The following HMCN1 variants were observed in gnomAD, a reference collection of about 807,000 sequenced individuals.
The protein encoded by HMCN1 is hemicentin 1, also known as hemicentin-1.
HMCN1 carries 321 observed loss-of-function variants against 625.9 expected under a neutral mutation model. The observed-to-expected ratio is 0.51, with a 90% CI of 0.47 to 0.56. The LOEUF is 0.56. Ranked by LOEUF, HMCN1 falls within the 20% of genes least tolerant of loss-of-function variation. The pLI is 0.00. For missense variants in HMCN1, 6,588 were observed against 6,887.3 expected (o/e 0.96, Z 1.54); for synonymous variants, 2,425 against 2,417.6 (o/e 1.00, Z -0.09).
rs1440561470 is a variant in HMCN1, at chr1:186,018,875, A to G, written c.5470+523A>G. On this transcript the variant is annotated intron_variant, in intron 34 of 106. Transcript: ENST00000271588. ...AACCATTACTCTAACGACAGAAGCA[A>G]CCCTCTGCCAGGGTATTATGTGTCT... Among the ~76,000 whole-genome samples the G allele has an allele frequency of 3.9e-5, 6 of 152,128 alleles. No individual in the cohort carries two copies. In the East Asian group the frequency reaches 1.2e-3, roughly 29 times the overall value.
At chr1:185,929,454 G>A (rs1265062913) in intron 10 of HMCN1, among the ~76,000 whole-genome samples, 3 of 152,194 alleles carry the variant, frequency 2.0e-5, no homozygotes, top group East Asian at 1.9e-4. Context: ...TCAGGATTAA[G>A]CCATTTACTC....
intron 48 of HMCN1, among the ~76,000 whole-genome samples, chr1:186,063,285 T>TGG (rs1657873248): frequency 6.6e-6 from 1 of 151,376 alleles, no homozygotes; most frequent in Non-Finnish European, 1.5e-5. Context: ...TCAGCTACTA[T>TGG]AATTGGCATT....
rs572310238 is a variant in HMCN1, at chr1:186,184,698, G to T, written c.16414+2411G>T. ...ATTTTCTATAAGACAGATGTTTCAAGTATGTTTATCCTAAATTTTTTAGTA... is the reference window on the plus strand; with the variant it reads ...ATTTTCTATAAGACAGATGTTTCAATTATGTTTATCCTAAATTTTTTAGTA... On this transcript the variant is annotated intron_variant, in intron 105 of 106. Transcript: ENST00000271588. Among the ~76,000 whole-genome samples, 8 of 152,246 alleles carry T rather than the reference G, an allele frequency of 5.3e-5. No individual in the cohort carries two copies. The South Asian group carries it at 1.5e-3, about 28-fold the overall frequency.
intron 36 of HMCN1, among the ~76,000 whole-genome samples, chr1:186,026,529 A>G (rs1655066178): frequency 6.6e-6 from 1 of 152,206 alleles, no homozygotes; most frequent in Non-Finnish European, 1.5e-5. Context: ...CTATGTATTA[A>G]AAAGGGCATT....
Position 185,952,573 on chromosome 1 carries a change from C to T in HMCN1, c.1829-9945C>T, listed in dbSNP as rs569565763. Among the ~76,000 whole-genome samples, 6 of 151,864 alleles carry T rather than the reference C, an allele frequency of 4.0e-5. No homozygotes were observed. In the South Asian group the frequency reaches 1.0e-3, roughly 26 times the overall value. Reference sequence around the variant, plus strand: ...ATTTGCCCATTTTATGACATTTGCCCATTTCCATCTTGTAGGATGGAAAAA... The same window carrying T: ...ATTTGCCCATTTTATGACATTTGCCTATTTCCATCTTGTAGGATGGAAAAA... On this transcript the variant is annotated intron_variant, in intron 11 of 106. Transcript: ENST00000271588.
chr1:185,825,421 G>T (rs573401499), intron 1 of HMCN1, among the ~76,000 whole-genome samples: 13 of 152,268 alleles, frequency 8.5e-5, no homozygotes, highest in African/African-American at 2.9e-4. Context: ...CTTCGTTTCG[G>T]ATGCCAAGAA....
rs574213370 is a variant in HMCN1, at chr1:186,093,006, A to G, written c.9888-128A>G. On this transcript the variant is annotated intron_variant, in intron 64 of 106. Transcript: ENST00000271588. ...GGAGGTGGTAGATATGAGACTCGCTACTGTAGAATTTCAGTTGGTTGCTTG... is the reference window on the plus strand; with the variant it reads ...GGAGGTGGTAGATATGAGACTCGCTGCTGTAGAATTTCAGTTGGTTGCTTG... The G allele has an allele frequency of 2.5e-5, 30 of 1,180,876 alleles. No individual in the cohort carries two copies. In the East Asian group the frequency reaches 5.6e-4, roughly 22 times the overall value. The allele number at this position is 1,180,876 out of a possible 1,614,324, so 73.1% of individuals were successfully genotyped here. A position where few individuals can be genotyped will look rare whatever the true frequency, so the allele number is the denominator to read the frequency against.
intron 11 of HMCN1, among the ~76,000 whole-genome samples, chr1:185,961,447 CATA>C (rs1189010873): frequency 3.9e-5 from 6 of 152,170 alleles, no homozygotes; most frequent in Admixed American, 3.3e-4. Flanking sequence ...GTGCCTGGCA[CATA>C]ATAATTATGC....
In HMCN1 at chr1:185,922,505, T is replaced by C. The variant is rs1170650647; in HGVS notation, c.1021+6T>C. On this transcript the variant is annotated splice_donor_region_variant and intron_variant, in intron 7 of 106. Coordinates refer to ENST00000271588, the MANE Select transcript of HMCN1 (RefSeq NM_031935.3). The stretch of plus-strand genomic sequence containing the variant: ...AGTCAGCAGACCAGTGCAAGGTTTG[T>C]ATGTGCATATTATTTAAATTGACAT... 1 of 1,605,038 alleles carries C rather than the reference T, an allele frequency of 6.2e-7. No homozygotes were observed. The highest frequency in any genetic ancestry group is 1.3e-5 in the African/African-American group (1 of 74,796).
chr1:185,876,282 A>G (rs1217851723), intron 4 of HMCN1, among the ~76,000 whole-genome samples: 3 of 152,128 alleles, frequency 2.0e-5, no homozygotes, highest in Non-Finnish European at 4.4e-5. Flanking sequence ...TCTATAGTGT[A>G]TATACACCAC....
rs146467470 is a variant in HMCN1 at position 186,143,623 on chromosome 1, A to G, written c.13925-550A>G. Among the ~76,000 whole-genome samples the G allele has an allele frequency of 8.5e-5, 13 of 152,360 alleles. No homozygotes were observed. In the East Asian group the frequency reaches 2.3e-3, roughly 27 times the overall value. On this transcript the variant is annotated intron_variant, in intron 89 of 106. Coordinates refer to ENST00000271588, the MANE Select transcript of HMCN1 (RefSeq NM_031935.3). ...ACACATGTAATGGAAAAAGTTTTCCAAAGAATTACAGCTGTGCAAATCATC... is the reference window on the plus strand; with the variant it reads ...ACACATGTAATGGAAAAAGTTTTCCGAAGAATTACAGCTGTGCAAATCATC...
At chr1:186,097,156 T>G (rs1660173811) in intron 68 of HMCN1, among the ~76,000 whole-genome samples, 1 of 152,036 alleles carries the variant, frequency 6.6e-6, no homozygotes, top group East Asian at 1.9e-4. Flanking sequence ...ACCAGAAAAC[T>G]CTCAGAAATG....
rs1269175038 is a variant in HMCN1 at position 186,145,494 on chromosome 1, C to T, written c.14358C>T (p.Asn4786=). ...GQMRRYRTCD[N]PPPSNGGRAC... ...TGCGGCGGTACCGCACATGTGATAA[C>T]CCTCCTCCCTCCAATGGGGGAAGAG... is the stretch of plus-strand genomic sequence containing the variant. Residue 4786 remains asparagine (N), a synonymous_variant, in exon 92 of 107, where the codon AAC becomes AAT. Transcript: ENST00000271588. 6.2e-7 allele frequency: 1 copy of T among 1,613,998 alleles called. No homozygotes were observed. Among genetic ancestry groups the T allele is most frequent in the Admixed American group, 1.7e-5 (1 of 60,024 alleles).
chr1:185,903,230 C>T (rs577399883), intron 4 of HMCN1, among the ~76,000 whole-genome samples: 38 of 151,478 alleles, frequency 2.5e-4, no homozygotes, highest in East Asian at 1.4e-3. Flanking sequence ...TTATTTTTTT[C>T]GGCTGTTGTG....
intron 4 of HMCN1, among the ~76,000 whole-genome samples, chr1:185,872,648 G>T (rs910616277): frequency 1.3e-5 from 2 of 152,028 alleles, no homozygotes; most frequent in African/African-American, 4.8e-5. Context: ...GAAACAGCAG[G>T]GGATGAGACC....
chr1:185,857,923 A>G (rs1387667702), intron 2 of HMCN1, among the ~76,000 whole-genome samples: 1 of 152,228 alleles, frequency 6.6e-6, no homozygotes, highest in East Asian at 1.9e-4. Context: ...TATCTAGAAG[A>G]ATGGAATTTT....
In HMCN1 at chr1:186,188,027, ATCCCAGACATGCTT is replaced by A; in HGVS notation, c.16541+20_16541+33del. 1 of 1,613,648 alleles carries A rather than the reference ATCCCAGACATGCTT, an allele frequency of 6.2e-7. No homozygotes were observed. Among genetic ancestry groups the A allele is most frequent in the Non-Finnish European group, 8.5e-7 (1 of 1,179,646 alleles). On this transcript the variant is annotated intron_variant, in intron 106 of 106. Transcript: ENST00000271588. Reference sequence around the variant, plus strand: ...GTTTCAGGGTATGTCTTGCCTTCTCATCCCAGACATGCTTTTGAAAATCCTTCCTCCCACTCCTT... The same window carrying A: ...GTTTCAGGGTATGTCTTGCCTTCTCATTGAAAATCCTTCCTCCCACTCCTT...
At chr1:186,145,342 A>G in intron 91 of HMCN1, 61 bp from the exon 92 acceptor site, 2 of 1,471,592 alleles carry the variant, frequency 1.4e-6, no homozygotes, top group Non-Finnish European at 9.1e-7. Flanking sequence ...GATGAATGTC[A>G]TTGTTGACCA....
In HMCN1 at chr1:185,962,573, G is replaced by A. The variant is rs1650103386; in HGVS notation, c.1884G>A (p.Glu628=). 1 of 1,609,390 alleles carries A rather than the reference G, an allele frequency of 6.2e-7. No individual in the cohort carries two copies. Among genetic ancestry groups the A allele is most frequent in the Non-Finnish European group, 8.5e-7 (1 of 1,175,772 alleles). ...ATCAGTCTTTCACAGGAGGGTCTGAGGTCTCCATCATGTGTTCTGCAACAG... is the reference window on the plus strand; with the variant it reads ...ATCAGTCTTTCACAGGAGGGTCTGAAGTCTCCATCATGTGTTCTGCAACAG... ...PKNQSFTGGS[E]VSIMCSATGY... is the part of the protein sequence containing the mutation. The change falls in exon 12 of 107, where the codon GAG becomes GAA. Residue 628 remains glutamate, a synonymous_variant. Coordinates refer to ENST00000271588, the MANE Select transcript of HMCN1 (RefSeq NM_031935.3).
Sources: gnomAD v4.1 joint callset for allele counts (sites outside exome capture counted in the v4.1 genomes callset) on GRCh38, gnomAD v4.1.1 for gene constraint, MANE v1.5 for transcripts, NCBI Gene and HGNC (gene_info 2026-07-23, HGNC 2026-07-21) for gene names.